FYB1: variants seen among roughly 807,000 people sequenced by gnomAD.
The protein encoded by FYB1 is FYN-binding protein 1.
In FYB1, 41 loss-of-function variants were observed where a neutral mutation model predicts 94.1. That is an observed-to-expected ratio of 0.44 (90% confidence interval 0.34 to 0.57). The LOEUF (loss-of-function observed/expected upper bound fraction) is 0.57. FYB1 is among the 20% of genes least tolerant of loss of function. FYB1 has a pLI of 0.02. For missense variants in FYB1, 1,050 were observed against 976.8 expected (o/e 1.07, Z -1.00); for synonymous variants, 367 against 353.2 (o/e 1.04, Z -0.44).
intron 12 of FYB1, 75 bp from the exon 13 acceptor site, chr5:39,124,353 T>C: frequency 1.0e-6 from 1 of 996,576 alleles, no homozygotes; most frequent in Non-Finnish European, 1.4e-6. Context: ...TATAGGAGAG[T>C]ATAAAGGGGC....
chr5:39,254,968 A>C (rs1351978999), intron 1 of FYB1, among the ~76,000 whole-genome samples: 1 of 152,202 alleles, frequency 6.6e-6, no homozygotes, highest in African/African-American at 2.4e-5. Context: ...AGAAATGGAA[A>C]GGCCTTATAC....
chr5:39,170,253 A>G, intron 2 of FYB1: 2 of 1,176,430 alleles, frequency 1.7e-6, no homozygotes, highest in Non-Finnish European at 2.5e-6. Context: ...TGTCTTTCCT[A>G]CTGAGAGCTG....
intron 2 of FYB1, among the ~76,000 whole-genome samples, chr5:39,172,938 G>A (rs1339367351): frequency 6.6e-6 from 1 of 152,158 alleles, no homozygotes; most frequent in East Asian, 1.9e-4. Flanking sequence ...TAGACAGAAT[G>A]AATTATTTTC....
At chr5:39,160,286 GC>G (rs1744131540) in intron 2 of FYB1, among the ~76,000 whole-genome samples, 1 of 152,126 alleles carries the variant, frequency 6.6e-6, no homozygotes, top group African/African-American at 2.4e-5. Flanking sequence ...ATTCTTCTTA[GC>G]TACTAATTGA....
chr5:39,154,645 T>C (rs35203898), intron 2 of FYB1, among the ~76,000 whole-genome samples: 1 of 152,014 alleles, frequency 6.6e-6, no homozygotes, highest in African/African-American at 2.4e-5. Context: ...TAGCTGGGAT[T>C]ATAGGTGCCT....
chr5:39,260,819 T>G (rs1055450144), intron 1 of FYB1, among the ~76,000 whole-genome samples: 1 of 152,148 alleles, frequency 6.6e-6, no homozygotes, highest in Non-Finnish European at 1.5e-5. Flanking sequence ...GACATGACCC[T>G]GAATGCGTGG....
rs562695795 is a variant in FYB1, at chr5:39,193,960, CATCCATCAGCCAG to C, written c.1135+7853_1135+7865del. 2.2e-3 allele frequency among the ~76,000 whole-genome samples: 329 copies of C among 152,332 alleles called. 2 individuals are homozygous for C. Among genetic ancestry groups the C allele is most frequent in the Non-Finnish European group, 1.9e-3 (129 of 68,024 alleles). On this transcript the variant is annotated intron_variant, in intron 2 of 18. Transcript: ENST00000512982. ...GATTAGAACTTGCAGATGCACTTGT[CATCCATCAGCCAG>C]ATCAAAAGAACTAGTGTGACCCCTA... is the stretch of plus-strand genomic sequence containing the variant.
chr5:39,128,716 A>T (rs1049513736), intron 10 of FYB1, among the ~76,000 whole-genome samples: 1 of 152,100 alleles, frequency 6.6e-6, no homozygotes, highest in Non-Finnish European at 1.5e-5. Flanking sequence ...AATCCAGTTT[A>T]TTGACTCTCA....
chr5:39,225,833 G>A (rs1191010425), intron 1 of FYB1, among the ~76,000 whole-genome samples: 1 of 152,164 alleles, frequency 6.6e-6, no homozygotes, highest in Non-Finnish European at 1.5e-5. Context: ...ACTAGAAGTA[G>A]GCAAAGCATA....
At chr5:39,220,847 A>AGG (rs1750216767), upstream of FYB1, among the ~76,000 whole-genome samples, 1 of 152,232 alleles carries the variant, frequency 6.6e-6, no homozygotes, top group Non-Finnish European at 1.5e-5. Flanking sequence ...TACAGACCTC[A>AGG]GGCTAAGAAT....
At chr5:39,153,265 C>T (rs1743412049) in intron 3 of FYB1, among the ~76,000 whole-genome samples, 183 bp downstream of exon 3, 1 of 152,162 alleles carries the variant, frequency 6.6e-6, no homozygotes, top group South Asian at 2.1e-4. Context: ...CTGAGCAATT[C>T]TAGGGGTATT....
intron 2 of FYB1, among the ~76,000 whole-genome samples, chr5:39,198,254 T>A (rs1748006619): frequency 6.6e-6 from 1 of 152,186 alleles, no homozygotes; most frequent in Admixed American, 6.5e-5. Flanking sequence ...AGCTAGTACA[T>A]TAGTCATGCT....
intron 7 of FYB1, among the ~76,000 whole-genome samples, chr5:39,136,701 C>A (rs985730155): frequency 2.0e-5 from 3 of 152,174 alleles, no homozygotes; most frequent in Admixed American, 1.3e-4. Flanking sequence ...GTTTGTCTGG[C>A]TGACTTGATG....
At chr5:39,116,569 A>G (rs1739590060) in intron 16 of FYB1, among the ~76,000 whole-genome samples, 1 of 152,164 alleles carries the variant, frequency 6.6e-6, no homozygotes, top group South Asian at 2.1e-4. Flanking sequence ...ATGATATTAG[A>G]TTATGCAGTT....
intron 1 of FYB1, among the ~76,000 whole-genome samples, chr5:39,260,142 G>A (rs1466591787): frequency 6.6e-6 from 1 of 152,208 alleles, no homozygotes; most frequent in Non-Finnish European, 1.5e-5. Context: ...TAGACAAAAA[G>A]CATAGGAAGG....
At chr5:39,218,939 C>T (rs903270395) in intron 1 of FYB1, among the ~76,000 whole-genome samples, 2 of 152,184 alleles carry the variant, frequency 1.3e-5, no homozygotes, top group Non-Finnish European at 2.9e-5. Flanking sequence ...TAATTCATGG[C>T]AGTATAGTCC....
chr5:39,249,436 G>C (rs1056326735), intron 1 of FYB1, among the ~76,000 whole-genome samples: 5 of 152,180 alleles, frequency 3.3e-5, no homozygotes, highest in African/African-American at 1.2e-4. Flanking sequence ...CACATTCTTT[G>C]TAAAAACTGA....
At position 39,141,888 on chromosome 5, in the gene FYB1, A is replaced by AT. The variant is rs1291315562; in HGVS notation, c.1293-748_1293-747insA. On this transcript the variant is annotated intron_variant, in intron 3 of 18. Coordinates refer to ENST00000512982, the MANE Select transcript of FYB1 (RefSeq NM_001465.6). ...TTCTGTCTCAGAAAAAAAAAAAAAA[A>AT]ACTTACATAGTTCCAATCCCTGACT... Among the ~76,000 whole-genome samples the AT allele has an allele frequency of 3.4e-3, 518 of 151,206 alleles. 7 individuals carry two copies. The highest frequency in any genetic ancestry group is 0.011 in the African/African-American group (472 of 41,078).
chr5:39,136,069 A>AT (rs201881260), intron 7 of FYB1, among the ~76,000 whole-genome samples: 1,654 of 151,924 alleles, frequency 0.011, 14 homozygotes, highest in South Asian at 0.027. Flanking sequence ...TACTATATAG[A>AT]TTTTTGTTAT....
Sources: gnomAD v4.1 joint callset for allele counts (sites outside exome capture counted in the v4.1 genomes callset) on GRCh38, gnomAD v4.1.1 for gene constraint, MANE v1.5 for transcripts, NCBI Gene and HGNC (gene_info 2026-07-23, HGNC 2026-07-21) for gene names.